DRD3: variants seen among roughly 807,000 people sequenced by gnomAD.
DRD3 encodes the protein dopamine receptor D3.
In DRD3, 19 loss-of-function variants were observed where a neutral mutation model predicts 36.3. That is an observed-to-expected ratio of 0.52 (90% CI 0.36 to 0.77). The LOEUF is 0.77. Ranked by LOEUF, DRD3 falls within the 30% of genes least tolerant of loss-of-function variation. The probability of loss-of-function intolerance (pLI) is 0.00; values close to 1 mark genes in which losing one functional copy is unlikely to be tolerated. For synonymous variants in DRD3, 195 were observed against 203.7 expected, an observed-to-expected ratio of 0.96 and a Z score of 0.36; for missense variants, 465 against 505.3, an observed-to-expected ratio of 0.92 and a Z score of 0.77.
chr3:114,136,350 A>G (rs1309676660), intron 5 of DRD3, among the ~76,000 whole-genome samples: 10 of 152,076 alleles, frequency 6.6e-5, no homozygotes, highest in Admixed American at 2.0e-4. Flanking sequence ...TGGTGAGTGT[A>G]TTTTTCAGCT....
intron 1 of DRD3, among the ~76,000 whole-genome samples, chr3:114,188,176 C>T (rs905067760): frequency 4.0e-5 from 6 of 150,462 alleles, no homozygotes; most frequent in East Asian, 1.9e-4. Context: ...TGGCTTCACA[C>T]GAATTCATTA....
chr3:114,187,503 C>G (rs945607792), intron 1 of DRD3, among the ~76,000 whole-genome samples: 3 of 152,216 alleles, frequency 2.0e-5, no homozygotes, highest in Admixed American at 2.0e-4. Context: ...TTCAATGAAG[C>G]TTTTGTTGCT....
At chr3:114,142,390 C>G (rs976597439) in intron 4 of DRD3, among the ~76,000 whole-genome samples, 2 of 152,208 alleles carry the variant, frequency 1.3e-5, no homozygotes, top group Non-Finnish European at 2.9e-5. Context: ...GTTGGTCCCT[C>G]CACCTAACTT....
intron 4 of DRD3, among the ~76,000 whole-genome samples, chr3:114,143,185 A>AAAT (rs1412640957): frequency 1.7e-4 from 26 of 152,268 alleles, no homozygotes; most frequent in African/African-American, 6.3e-4. Flanking sequence ...GCAAGTGCAT[A>AAAT]AATAATAAAT....
intron 3 of DRD3, among the ~76,000 whole-genome samples, chr3:114,156,907 CCTT>C (rs2077685158): frequency 7.2e-6 from 1 of 138,046 alleles, no homozygotes; most frequent in African/African-American, 2.8e-5. Context: ...TTTCTTCCTT[CCTT>C]CTTTCCTTCC....
intron 2 of DRD3, among the ~76,000 whole-genome samples, chr3:114,165,446 A>G (rs899548027): frequency 2.6e-5 from 4 of 152,142 alleles, no homozygotes; most frequent in Non-Finnish European, 5.9e-5. Context: ...AAAAAAAAAG[A>G]AAGTTAAAAA....
intron 1 of DRD3, among the ~76,000 whole-genome samples, chr3:114,176,758 C>T (rs547553105): frequency 1.1e-4 from 16 of 152,268 alleles, no homozygotes; most frequent in African/African-American, 2.9e-4. Context: ...TTTACTCAGA[C>T]GACTCCTGAC....
In DRD3 at chr3:114,147,549, G is replaced by T; in HGVS notation, c.392C>A (p.Ala131Glu). 6.2e-7 allele frequency: 1 copy of T among 1,609,352 alleles called. No homozygotes were observed. Among genetic ancestry groups the T allele is most frequent in the Non-Finnish European group, 8.5e-7 (1 of 1,176,084 alleles). The change falls in exon 4 of 7, where the codon GCA becomes GAA. Residue 131 changes from alanine to glutamate, a missense_variant. Ala to Glu is a moderately radical substitution (Grantham distance 107). Transcript: ENST00000383673. The part of the protein sequence containing the change: ...LCAISIDRYT[A>E]VVMPVHYQHG... Reference sequence around the variant, plus strand: ...CTGGTAGTGAACGGGCATGACCACTGCAGTGTACCTGAAAAAGCAAGGGGA... The same window carrying T: ...CTGGTAGTGAACGGGCATGACCACTTCAGTGTACCTGAAAAAGCAAGGGGA...
chr3:114,151,251 A>T (rs955457694), intron 3 of DRD3, among the ~76,000 whole-genome samples: 2 of 152,110 alleles, frequency 1.3e-5, no homozygotes, highest in Non-Finnish European at 2.9e-5. Context: ...ACCTTGGAGG[A>T]GGGGCTGAGC....
chr3:114,156,213 C>T, intron 3 of DRD3, among the ~76,000 whole-genome samples: 1 of 152,170 alleles, frequency 6.6e-6, no homozygotes, highest in African/African-American at 2.4e-5. Context: ...TAATCTTAAA[C>T]TTTGTGCTAA....
Position 114,136,732 on chromosome 3 carries a change from GAA to G in DRD3, c.723+2766_723+2767del, listed in dbSNP as rs1219564165. Among the ~76,000 whole-genome samples, 38 of 152,302 alleles carry G rather than the reference GAA, an allele frequency of 2.5e-4. No homozygotes were observed. In the Middle Eastern group the frequency reaches 0.017, roughly 68 times the overall value. The stretch of plus-strand genomic sequence containing the variant: ...TTTTTGAAGTTTTATTTCTAATGTG[GAA>G]TTCAGAGAGGAATACTGTTCTCATA... On this transcript the variant is annotated intron_variant, in intron 5 of 6. Coordinates refer to ENST00000383673, the MANE Select transcript of DRD3 (RefSeq NM_000796.6).
chr3:114,144,194 A>G (rs2077551413), intron 4 of DRD3, among the ~76,000 whole-genome samples: 2 of 152,246 alleles, frequency 1.3e-5, no homozygotes, highest in South Asian at 4.1e-4. Flanking sequence ...TCCAAGTTGG[A>G]AGAGACTGAA....
intron 4 of DRD3, among the ~76,000 whole-genome samples, chr3:114,142,032 A>G (rs1183261992): frequency 7.5e-6 from 1 of 133,260 alleles, no homozygotes; most frequent in African/African-American, 2.9e-5. Flanking sequence ...TGGGCGATAG[A>G]GCGAGACTCT....
intron 2 of DRD3, among the ~76,000 whole-genome samples, chr3:114,164,471 A>AG: frequency 6.6e-6 from 1 of 152,152 alleles, no homozygotes; most frequent in East Asian, 1.9e-4. Context: ...GACACAGCCT[A>AG]GGGCAGCATT....
chr3:114,184,046 T>G (rs2077961950), upstream of DRD3, among the ~76,000 whole-genome samples: 1 of 152,218 alleles, frequency 6.6e-6, no homozygotes, highest in African/African-American at 2.4e-5. Context: ...CATCTCACTC[T>G]GCATGACTCT....
chr3:114,186,939 T>C (rs1009919415), intron 1 of DRD3, among the ~76,000 whole-genome samples: 9 of 152,238 alleles, frequency 5.9e-5, no homozygotes, highest in African/African-American at 2.2e-4. Flanking sequence ...AGATGGAAGA[T>C]GAGAGAGATA....
chr3:114,139,163 G>C (rs1037854974), intron 5 of DRD3, among the ~76,000 whole-genome samples: 2 of 152,208 alleles, frequency 1.3e-5, no homozygotes, highest in African/African-American at 4.8e-5. Flanking sequence ...CACCAGCAGT[G>C]CAAGGTACAA....
intron 2 of DRD3, among the ~76,000 whole-genome samples, chr3:114,164,630 G>A (rs185524196): frequency 2.0e-5 from 3 of 152,250 alleles, no homozygotes; most frequent in Admixed American, 1.3e-4. Flanking sequence ...GGGGTTAAGG[G>A]GAGCATAAAA....
chr3:114,155,464 C>T (rs2077657528), intron 3 of DRD3, among the ~76,000 whole-genome samples: 1 of 151,986 alleles, frequency 6.6e-6, no homozygotes, highest in Non-Finnish European at 1.5e-5. Flanking sequence ...GGACAGAAGC[C>T]AATTCAAAGT....
Sources: allele counts gnomAD v4.1 joint callset (sites outside exome capture counted in the v4.1 genomes callset), GRCh38; gene constraint gnomAD v4.1.1; transcripts MANE v1.5; gene names NCBI Gene and HGNC (gene_info 2026-07-23, HGNC 2026-07-21).